Variants in RTN1 observed in about 807,000 individuals in gnomAD.
The protein encoded by RTN1 is reticulon 1, also known as reticulon-1.
Under a neutral mutation model 65.5 loss-of-function variants are expected in RTN1, and 25 were observed. That is an observed-to-expected ratio of 0.38 (90% CI 0.28 to 0.53). The LOEUF (loss-of-function observed/expected upper bound fraction) is 0.53, where lower values mean the gene tolerates loss of function less well. RTN1 is among the 20% of genes least tolerant of loss of function. The pLI is 0.79. For missense variants in RTN1, 983 were observed against 1,025.4 expected, an observed-to-expected ratio of 0.96 and a Z score of 0.57; for synonymous variants, 471 against 447.6, an observed-to-expected ratio of 1.05 and a Z score of -0.66.
chr14:59,625,168 C>T (rs1015974046), intron 3 of RTN1, among the ~76,000 whole-genome samples: 13 of 152,162 alleles, frequency 8.5e-5, no homozygotes, highest in African/African-American at 2.4e-4. Context: ...ATGTCATCCA[C>T]AATCCCTATT....
intron 3 of RTN1, among the ~76,000 whole-genome samples, chr14:59,649,729 G>A (rs1004618120): frequency 1.3e-5 from 2 of 152,128 alleles, no homozygotes; most frequent in East Asian, 1.9e-4. Flanking sequence ...AGAATGGTGA[G>A]TATTAAAAAG....
chr14:59,789,214 T>C (rs1886305301), intron 1 of RTN1, among the ~76,000 whole-genome samples: 1 of 152,112 alleles, frequency 6.6e-6, no homozygotes, highest in Non-Finnish European at 1.5e-5. Context: ...GTATTTTACA[T>C]CCTCCTTTCT....
At chr14:59,715,731 CA>C (rs1286570745) in intron 3 of RTN1, among the ~76,000 whole-genome samples, 1 of 150,918 alleles carries the variant, frequency 6.6e-6, no homozygotes, top group African/African-American at 2.4e-5. Flanking sequence ...GAGGCTGAGG[CA>C]AGAGAATTGC....
At chr14:59,675,986 C>T (rs1480971103) in intron 3 of RTN1, among the ~76,000 whole-genome samples, 2 of 152,190 alleles carry the variant, frequency 1.3e-5, no homozygotes, top group Admixed American at 1.3e-4. Flanking sequence ...CCATTTAATG[C>T]TGTGTTAGGT....
chr14:59,699,812 T>C (rs1884142130), intron 3 of RTN1, among the ~76,000 whole-genome samples: 1 of 152,118 alleles, frequency 6.6e-6, no homozygotes, highest in Admixed American at 6.6e-5. Flanking sequence ...ACTCAAGCCA[T>C]CCAATCTTAT....
intron 1 of RTN1, among the ~76,000 whole-genome samples, chr14:59,840,498 A>T (rs140582663): frequency 1.2e-3 from 185 of 152,330 alleles, no homozygotes; most frequent in Middle Eastern, 3.4e-3. Flanking sequence ...AGTTAGAGAT[A>T]AAGAAGTATC....
At chr14:59,739,205 T>C (rs1566705970) in intron 2 of RTN1, among the ~76,000 whole-genome samples, 1 of 151,208 alleles carries the variant, frequency 6.6e-6, no homozygotes, top group Non-Finnish European at 1.5e-5. Context: ...TAGTGGATCC[T>C]GGAAGGGTTA....
intron 3 of RTN1, chr14:59,630,925 G>GA: frequency 3.8e-6 from 3 of 795,618 alleles, no homozygotes; most frequent in South Asian, 5.7e-5. Flanking sequence ...GGGAGTTCTT[G>GA]ACTCCCAGAA....
chr14:59,837,463 C>G (rs989897955), intron 1 of RTN1, among the ~76,000 whole-genome samples: 4 of 151,870 alleles, frequency 2.6e-5, no homozygotes, highest in African/African-American at 9.7e-5. Flanking sequence ...CACCCACATA[C>G]GATAATATTT....
intron 1 of RTN1, among the ~76,000 whole-genome samples, chr14:59,761,224 T>C (rs1885741685): frequency 6.6e-6 from 1 of 152,206 alleles, no homozygotes; most frequent in South Asian, 2.1e-4. Flanking sequence ...TAGACCCTGA[T>C]ATGGTTTGGC....
At chr14:59,630,940 CG>C in intron 3 of RTN1, 6 of 649,552 alleles carry the variant, frequency 9.2e-6, no homozygotes, top group African/African-American at 2.0e-5. Context: ...CCAGAATATG[CG>C]AGGTGCATAT....
At chr14:59,817,530 C>T (rs1362742953) in intron 1 of RTN1, among the ~76,000 whole-genome samples, 5 of 152,094 alleles carry the variant, frequency 3.3e-5, no homozygotes, top group Admixed American at 2.0e-4. Flanking sequence ...TCATGTAGCC[C>T]TCTTAATAAA....
intron 3 of RTN1, among the ~76,000 whole-genome samples, chr14:59,686,944 C>A (rs534070189): frequency 2.0e-5 from 3 of 152,324 alleles, no homozygotes; most frequent in East Asian, 3.9e-4. Flanking sequence ...TTATAATAGT[C>A]TTAGGTCAGA....
chr14:59,770,206 C>T (rs1330276712), intron 1 of RTN1, among the ~76,000 whole-genome samples: 4 of 151,476 alleles, frequency 2.6e-5, no homozygotes, highest in Middle Eastern at 3.2e-3. Flanking sequence ...GGCGAAACCC[C>T]GTATCTACTA....
chr14:59,727,904 CCTCT>C lies in RTN1; in HGVS notation c.1016-240_1016-237del, dbSNP rs1266940439. ...GCCCAATTAATTAGTGTTTTACAGA[CCTCT>C]CTATCTTCAGCTAGCTATTTTAAAA... On this transcript the variant is annotated intron_variant, in intron 2 of 8. Coordinates refer to ENST00000267484, the MANE Select transcript of RTN1 (RefSeq NM_021136.3). The surrounding 1 kb of genome is among the most constrained non-coding windows in gnomAD (Gnocchi z 4.2). Among the ~76,000 whole-genome samples, 1 of 152,166 alleles carries C rather than the reference CCTCT, an allele frequency of 6.6e-6. No individual in the cohort carries two copies.
chr14:59,718,369 A>G (rs1178787446), intron 3 of RTN1, among the ~76,000 whole-genome samples: 1 of 152,216 alleles, frequency 6.6e-6, no homozygotes, highest in African/African-American at 2.4e-5. Context: ...CCTTCGCTCT[A>G]ACTTTAGCCT....
At chr14:59,748,643 C>CT (rs1885280885) in intron 1 of RTN1, among the ~76,000 whole-genome samples, 1 of 152,008 alleles carries the variant, frequency 6.6e-6, no homozygotes, top group Non-Finnish European at 1.5e-5. Flanking sequence ...CGATTGTCTC[C>CT]TCTTGCTAGG....
intron 3 of RTN1, among the ~76,000 whole-genome samples, chr14:59,651,733 C>T (rs911484667): frequency 6.6e-6 from 1 of 151,642 alleles, no homozygotes; most frequent in Non-Finnish European, 1.5e-5. Flanking sequence ...GACTCCATCT[C>T]AAAACAAACA....
In RTN1 at chr14:59,607,429, A is replaced by G; in HGVS notation, c.1829T>C (p.Leu610Pro). 6.2e-7 allele frequency: 1 copy of G among 1,613,474 alleles called. No individual in the cohort carries two copies. Among genetic ancestry groups the G allele is most frequent in the Non-Finnish European group, 8.5e-7 (1 of 1,179,744 alleles). ...QTGIVFGSFL[L>P]LLFSLTQFSV... ...GAACTGGGTCAGGGAGAAGAGCAGC[A>G]GCAGGAAACTCCCAAACACGATGCC... Residue 610 changes from leucine to proline, a missense_variant, in exon 4 of 9, where the codon CTG (leucine) becomes CCG (proline). Coordinates refer to ENST00000267484, the MANE Select transcript of RTN1 (RefSeq NM_021136.3).
Sources: allele counts gnomAD v4.1 joint callset (sites outside exome capture counted in the v4.1 genomes callset), GRCh38; gene constraint gnomAD v4.1.1; non-coding constraint Gnocchi (gnomAD v3.1); transcripts MANE v1.5; gene names NCBI Gene and HGNC (gene_info 2026-07-23, HGNC 2026-07-21).